LPIN2: variants seen among roughly 807,000 people sequenced by gnomAD.
LPIN2 encodes the protein phosphatidate phosphatase LPIN2.
Under a neutral mutation model 111.4 loss-of-function variants are expected in LPIN2, and 55 were observed. That is an observed-to-expected ratio of 0.49 (90% CI 0.40 to 0.62). The LOEUF is 0.62. Ranked by LOEUF, LPIN2 falls within the 20% of genes least tolerant of loss-of-function variation. The pLI, the probability that LPIN2 is intolerant of heterozygous loss-of-function variation, is 0.00. For synonymous variants in LPIN2, 425 were observed against 414.0 expected, an observed-to-expected ratio of 1.03 and a Z score of -0.32; for missense variants, 992 against 1,112.1, an observed-to-expected ratio of 0.89 and a Z score of 1.54.
intron 1 of LPIN2, among the ~76,000 whole-genome samples, chr18:2,965,856 G>C (rs2077793660): frequency 6.6e-6 from 1 of 151,716 alleles, no homozygotes; most frequent in Admixed American, 6.6e-5. Flanking sequence ...TTAAGGAAAA[G>C]AGTAATCAGA....
chr18:2,926,503 G>C (rs576129966), intron 13 of LPIN2, among the ~76,000 whole-genome samples: 2 of 152,146 alleles, frequency 1.3e-5, no homozygotes, highest in Admixed American at 1.3e-4. Context: ...ATACGCTGGC[G>C]CCACGGCTCC....
intron 1 of LPIN2, among the ~76,000 whole-genome samples, chr18:3,002,236 C>CAA (rs765641037): frequency 0.046 from 3,799 of 82,618 alleles, 141 homozygotes; most frequent in African/African-American, 0.12. Flanking sequence ...TTCAAAAGAC[C>CAA]AAAAAAAAAA....
chr18:2,953,727 A>AT (rs2077571464), intron 3 of LPIN2, among the ~76,000 whole-genome samples: 1 of 152,196 alleles, frequency 6.6e-6, no homozygotes, highest in Non-Finnish European at 1.5e-5. Context: ...CAGTTTTGCT[A>AT]TTTGAGACTT....
In LPIN2 at chr18:2,918,982, G is replaced by C. The variant is rs1598514848; in HGVS notation, c.*1311C>G. 1 of 152,070 alleles carries C rather than the reference G, an allele frequency of 6.6e-6. No individual in the cohort carries two copies. The highest frequency in any genetic ancestry group is 1.5e-5 in the Non-Finnish European group (1 of 68,010). The allele number at this position is 152,070 out of a possible 1,614,324, so 9.4% of individuals were successfully genotyped here. On this transcript the variant is annotated 3_prime_UTR_variant, in exon 20 of 20. Coordinates refer to ENST00000677752, the MANE Select transcript of LPIN2 (RefSeq NM_001375808.2). The stretch of plus-strand genomic sequence containing the variant: ...AGACCAAGACCTGGGGTTGGTTCTG[G>C]GCTCCTGACAGTTCTCTTGATGTTA...
intron 7 of LPIN2, among the ~76,000 whole-genome samples, chr18:2,936,710 G>A (rs1470968686): frequency 6.6e-6 from 1 of 152,170 alleles, no homozygotes; most frequent in Non-Finnish European, 1.5e-5. Flanking sequence ...CTCCCAAGTA[G>A]CTGGGACCAC....
chr18:2,996,495 T>TTTTTTTTTTTTTTTG (rs1383642994), intron 1 of LPIN2, among the ~76,000 whole-genome samples: 4 of 104,246 alleles, frequency 3.8e-5, no homozygotes, highest in African/African-American at 1.5e-4. Flanking sequence ...TTTTTTTTTT[T>TTTTTTTTTTTTTTTG]GAGACAGAGT....
intron 1 of LPIN2, among the ~76,000 whole-genome samples, chr18:2,964,578 A>G (rs1218328682): frequency 6.6e-6 from 1 of 151,832 alleles, no homozygotes; most frequent in Non-Finnish European, 1.5e-5. Flanking sequence ...AGAGAGCCCA[A>G]TCGGCTGGCA....
At chr18:2,995,957 T>A (rs111584625) in intron 1 of LPIN2, among the ~76,000 whole-genome samples, 1 of 152,186 alleles carries the variant, frequency 6.6e-6, no homozygotes, top group South Asian at 2.1e-4. Flanking sequence ...TTAAGCAGGG[T>A]ACCAAGCTTC....
intron 4 of LPIN2, 85 bp from the exon 5 acceptor site, chr18:2,940,797 ACAAT>A (rs1244357037): frequency 1.3e-6 from 1 of 787,604 alleles, no homozygotes; most frequent in Non-Finnish European, 2.2e-6. Context: ...GATACTACAA[ACAAT>A]CAAAATGAAG....
chr18:2,984,914 T>G (rs2078165751), intron 1 of LPIN2, among the ~76,000 whole-genome samples: 1 of 152,130 alleles, frequency 6.6e-6, no homozygotes. Flanking sequence ...AGCAAAGGCT[T>G]AGCAAGTGAG....
chr18:2,936,487 C>G (rs1371805570), intron 7 of LPIN2, among the ~76,000 whole-genome samples: 2 of 152,222 alleles, frequency 1.3e-5, no homozygotes, highest in Admixed American at 1.3e-4. Context: ...CACTCTGTCA[C>G]ATGGGTTAGA....
At chr18:2,956,829 G>T (rs2077623393) in intron 2 of LPIN2, among the ~76,000 whole-genome samples, 1 of 152,160 alleles carries the variant, frequency 6.6e-6, no homozygotes, top group African/African-American at 2.4e-5. Flanking sequence ...ATCTTTGTGT[G>T]ACTTTAAATG....
chr18:2,927,667 A>C (rs2077154167), intron 12 of LPIN2, 55 bp downstream of exon 12: 42 of 1,578,862 alleles, frequency 2.7e-5, no homozygotes, highest in Non-Finnish European at 3.5e-5. Context: ...TTTTTGAATA[A>C]ATGAAAGATT....
intron 14 of LPIN2, among the ~76,000 whole-genome samples, chr18:2,924,757 T>G (rs1258280078): frequency 6.6e-6 from 1 of 152,168 alleles, no homozygotes; most frequent in Non-Finnish European, 1.5e-5. Flanking sequence ...GGGACTTCTC[T>G]GAACACCCAC....
At chr18:2,921,456 G>C (rs572064619) in intron 18 of LPIN2, 77 bp downstream of exon 18, 2 of 1,061,784 alleles carry the variant, frequency 1.9e-6, no homozygotes, top group Non-Finnish European at 3.0e-6. Context: ...TTGAGAATTG[G>C]GACGTGGCTA....
intron 1 of LPIN2, among the ~76,000 whole-genome samples, chr18:3,000,875 TTCA>T (rs1210055477): frequency 6.8e-6 from 1 of 147,544 alleles, no homozygotes; most frequent in Non-Finnish European, 1.5e-5. Flanking sequence ...ACCAAGGTGC[TTCA>T]TCAAGAGATG....
chr18:2,946,437 G>A (rs749598203), intron 4 of LPIN2: 1 of 1,438,776 alleles, frequency 7.0e-7, no homozygotes, highest in Non-Finnish European at 9.8e-7. Flanking sequence ...AATGCATCGT[G>A]AAAGACTGGA....
chr18:2,966,815 C>A (rs1303932931), intron 1 of LPIN2, among the ~76,000 whole-genome samples: 1 of 152,206 alleles, frequency 6.6e-6, no homozygotes, highest in Admixed American at 6.5e-5. Context: ...CCTGGGAGCG[C>A]CACATGTCAT....
intron 1 of LPIN2, among the ~76,000 whole-genome samples, chr18:2,982,437 C>A (rs1186666626): frequency 2.0e-5 from 3 of 151,966 alleles, no homozygotes; most frequent in Non-Finnish European, 4.4e-5. Flanking sequence ...TGTTAAATAA[C>A]AACGAATAGA....
Sources: allele counts gnomAD v4.1 joint callset (sites outside exome capture counted in the v4.1 genomes callset), GRCh38; gene constraint gnomAD v4.1.1; transcripts MANE v1.5; gene names NCBI Gene and HGNC (gene_info 2026-07-23, HGNC 2026-07-21).